Variants in ADAMTS18 observed in about 807,000 individuals in gnomAD.
ADAMTS18 encodes A disintegrin and metalloproteinase with thrombospondin motifs 18.
A neutral mutation model predicts 165.9 loss-of-function variants in ADAMTS18; 157 were observed. The ratio of observed to expected loss-of-function variants is 0.95; its 90% CI spans 0.83 to 1.08. The LOEUF is 1.08. Among genes scored for constraint, ADAMTS18 ranks in the 50% least tolerant of loss-of-function variants. The pLI, the probability that ADAMTS18 is intolerant of heterozygous loss-of-function variation, is 0.00. For missense variants in ADAMTS18, 2,040 were observed against 1,534.0 expected (o/e 1.33, Z -5.51); for synonymous variants, 782 against 578.2 (o/e 1.35, Z -5.06).
intron 3 of ADAMTS18, among the ~76,000 whole-genome samples, chr16:77,374,788 T>C (rs186702483): frequency 5.4e-4 from 82 of 152,344 alleles, no homozygotes; most frequent in African/African-American, 1.9e-3. Flanking sequence ...GCATCCTATA[T>C]TGAGACAAAC....
intron 15 of ADAMTS18, 23 bp downstream of exon 15, chr16:77,321,056 T>A: frequency 1.9e-6 from 3 of 1,614,122 alleles, no homozygotes; most frequent in Non-Finnish European, 2.5e-6. Flanking sequence ...TCATTAACAA[T>A]AACAAACAGC....
chr16:77,358,831 T>C (rs2056669325), intron 8 of ADAMTS18, among the ~76,000 whole-genome samples: 1 of 152,224 alleles, frequency 6.6e-6, no homozygotes, highest in African/African-American at 2.4e-5. Flanking sequence ...GAAAATTCTC[T>C]ATAGCGTTGT....
At chr16:77,334,649 C>T (rs1337880385) in intron 12 of ADAMTS18, among the ~76,000 whole-genome samples, 5 of 109,740 alleles carry the variant, frequency 4.6e-5, no homozygotes, top group Non-Finnish European at 6.9e-5. Flanking sequence ...AGTGTATATA[C>T]ACTATATACT....
chr16:77,398,296 AAC>A, intron 3 of ADAMTS18, among the ~76,000 whole-genome samples: 1 of 152,006 alleles, frequency 6.6e-6, no homozygotes, highest in Non-Finnish European at 1.5e-5. Flanking sequence ...CAGCCTGAGA[AAC>A]AGAGAGACAC....
At chr16:77,426,151 GAA>G (rs2057669467) in intron 3 of ADAMTS18, among the ~76,000 whole-genome samples, 1 of 152,168 alleles carries the variant, frequency 6.6e-6, no homozygotes. Flanking sequence ...TAAAAGGTAT[GAA>G]ATATGTTAAA....
At chr16:77,365,847 GT>G (rs1478548606) in intron 4 of ADAMTS18, among the ~76,000 whole-genome samples, 1 of 152,188 alleles carries the variant, frequency 6.6e-6, no homozygotes, top group Non-Finnish European at 1.5e-5. Context: ...AAAAACTCAG[GT>G]TGGCCACTTA....
intron 3 of ADAMTS18, among the ~76,000 whole-genome samples, chr16:77,427,070 A>C (rs973791791): frequency 4.8e-4 from 73 of 152,206 alleles, no homozygotes; most frequent in African/African-American, 1.7e-3. Context: ...AGTTCCAAAA[A>C]TACAAGCATT....
chr16:77,319,565 C>T (rs372492384), intron 16 of ADAMTS18, among the ~76,000 whole-genome samples: 1 of 152,192 alleles, frequency 6.6e-6, no homozygotes, highest in South Asian at 2.1e-4. Flanking sequence ...CCTCAGCCCC[C>T]ACTAATAGCT....
chr16:77,353,137 G>A (rs1191666143), intron 10 of ADAMTS18, among the ~76,000 whole-genome samples: 9 of 152,098 alleles, frequency 5.9e-5, no homozygotes, highest in Non-Finnish European at 8.8e-5. Context: ...AGTTGAGATT[G>A]TAATACTGTC....
intron 6 of ADAMTS18, among the ~76,000 whole-genome samples, chr16:77,362,812 C>T (rs909959295): frequency 1.3e-5 from 2 of 152,204 alleles, no homozygotes; most frequent in African/African-American, 4.8e-5. Flanking sequence ...AAGCTGTTGA[C>T]TTGGCCAAGT....
At chr16:77,351,081 T>A (rs1354582434) in intron 10 of ADAMTS18, among the ~76,000 whole-genome samples, 1 of 152,188 alleles carries the variant, frequency 6.6e-6, no homozygotes, top group East Asian at 1.9e-4. Context: ...TTTTGTTGCT[T>A]TGGAAATCCC....
At chr16:77,299,571 G>A (rs892206407) in intron 17 of ADAMTS18, among the ~76,000 whole-genome samples, 2 of 152,158 alleles carry the variant, frequency 1.3e-5, no homozygotes, top group Admixed American at 6.5e-5. Flanking sequence ...GGAAATGAGA[G>A]ACCAACATTC....
chr16:77,415,831 C>T (rs1266587105), intron 3 of ADAMTS18, among the ~76,000 whole-genome samples: 1 of 151,482 alleles, frequency 6.6e-6, no homozygotes, highest in Non-Finnish European at 1.5e-5. Context: ...GAGAAATATC[C>T]AATGTATGAA....
intron 3 of ADAMTS18, among the ~76,000 whole-genome samples, chr16:77,420,584 T>C (rs1000897555): frequency 1.3e-5 from 2 of 152,224 alleles, no homozygotes; most frequent in Non-Finnish European, 2.9e-5. Flanking sequence ...CAGACATTTG[T>C]TGTTTCACAC....
At chr16:77,426,547 G>A (rs559898745) in intron 3 of ADAMTS18, among the ~76,000 whole-genome samples, 1 of 152,114 alleles carries the variant, frequency 6.6e-6, no homozygotes, top group Non-Finnish European at 1.5e-5. Context: ...CTTGTTTCAG[G>A]GTTGAATCAC....
rs144398542 is a variant in ADAMTS18 at position 77,293,086 on chromosome 16, G to A, written c.3179C>T (p.Ser1060Leu). ...KNSRLQWVAS[S>L]WSECSATCGL... is the part of the protein sequence containing the mutation. ...ACTTCTAATCCATACCTCGCTCCAC[G>A]AAGAAGCGACCCACTGTAGCCGGCT... The change falls in exon 20 of 23, where the codon TCG (serine) becomes TTG (leucine). Residue 1060 changes from serine (S) to leucine (L), a missense_variant. Ser to Leu is a moderately radical substitution (Grantham distance 145). Coordinates refer to ENST00000282849, the MANE Select transcript of ADAMTS18 (RefSeq NM_199355.4). 1.8e-4 allele frequency: 285 copies of A among 1,613,890 alleles called. 1 individual carries two copies. Among genetic ancestry groups the A allele is most frequent in the South Asian group, 8.8e-5 (8 of 91,060 alleles).
chr16:77,297,491 T>A, intron 17 of ADAMTS18, 76 bp from the exon 18 acceptor site: 1 of 1,403,436 alleles, frequency 7.1e-7, no homozygotes, highest in Non-Finnish European at 1.0e-6. Flanking sequence ...TAGCTTCTGA[T>A]TTACCAGCAT....
At chr16:77,285,985 T>G (rs2055242779) in intron 22 of ADAMTS18, among the ~76,000 whole-genome samples, 1 of 150,516 alleles carries the variant, frequency 6.6e-6, no homozygotes, top group Non-Finnish European at 1.5e-5. Context: ...GCTCTTCTCT[T>G]CTGCTCAAAG....
At position 77,367,764 on chromosome 16, in the gene ADAMTS18, C is replaced by T. The variant is rs374448676; in HGVS notation, c.496-41G>A. ...CAAAGCAAACAGTCATGATTCCATG[C>T]ATCCCTGTGCCAAGGGTTGGTTTTC... On this transcript the variant is annotated intron_variant, in intron 3 of 22. Coordinates refer to ENST00000282849, the MANE Select transcript of ADAMTS18 (RefSeq NM_199355.4). 721 of 1,613,720 alleles carry T rather than the reference C, an allele frequency of 4.5e-4. 2 individuals carry two copies. Among genetic ancestry groups the T allele is most frequent in the Middle Eastern group, 1.5e-3 (9 of 6,062 alleles).
Sources: allele counts gnomAD v4.1 joint callset (sites outside exome capture counted in the v4.1 genomes callset), GRCh38; gene constraint gnomAD v4.1.1; transcripts MANE v1.5; gene names NCBI Gene and HGNC (gene_info 2026-07-23, HGNC 2026-07-21).